The following SAMD4A variants were observed in gnomAD, a reference collection of about 807,000 sequenced individuals.
SAMD4A encodes sterile alpha motif domain containing 4A, also known as protein Smaug homolog 1.
A neutral mutation model predicts 81.3 loss-of-function variants in SAMD4A; 33 were observed. The observed-to-expected ratio is 0.41, with a 90% CI of 0.31 to 0.54. The LOEUF (loss-of-function observed/expected upper bound fraction) is 0.54. SAMD4A is among the 20% of genes least tolerant of loss of function. SAMD4A has a pLI of 0.37. For missense variants in SAMD4A, 854 were observed against 951.1 expected (o/e 0.90, Z 1.34); for synonymous variants, 389 against 382.1 (o/e 1.02, Z -0.21).
At chr14:54,777,680 G>C (rs138789830) in intron 11 of SAMD4A, among the ~76,000 whole-genome samples, 1 of 152,016 alleles carries the variant, frequency 6.6e-6, no homozygotes, top group Non-Finnish European at 1.5e-5. Flanking sequence ...GGGGTGGGGG[G>C]GTAGGCTGGA....
intron 2 of SAMD4A, among the ~76,000 whole-genome samples, chr14:54,669,448 T>TC (rs1358483975): frequency 1.7e-4 from 24 of 144,642 alleles, no homozygotes; most frequent in African/African-American, 5.6e-4. Flanking sequence ...CTTCTTTCTT[T>TC]TTTTTTTTTT....
At chr14:54,621,906 C>T (rs2034627374) in intron 2 of SAMD4A, among the ~76,000 whole-genome samples, 1 of 152,070 alleles carries the variant, frequency 6.6e-6, no homozygotes, top group Admixed American at 6.6e-5. Context: ...TGGGGAGAAA[C>T]AACTCATCTT....
rs2038801289 is a variant in SAMD4A at position 54,774,906 on chromosome 14, T to G, written c.1716-28T>G. ...AAAAGGGCTGAATAACGACTGATAT[T>G]CTCTTCCTTCTCTCTTGGCTCTCAC... On this transcript the variant is annotated intron_variant, in intron 9 of 12. Transcript: ENST00000554335. 3 of 1,612,598 alleles carry G rather than the reference T, an allele frequency of 1.9e-6. No homozygotes were observed. The South Asian group carries it at 3.3e-5, about 18-fold the overall frequency.
At chr14:54,608,089 C>T (rs1289400030) in intron 2 of SAMD4A, among the ~76,000 whole-genome samples, 4 of 151,644 alleles carry the variant, frequency 2.6e-5, no homozygotes, top group Non-Finnish European at 5.9e-5. Context: ...CCACTAGTGT[C>T]GAGAGGACAG....
chr14:54,759,128 A>C (rs982185300), intron 6 of SAMD4A, among the ~76,000 whole-genome samples: 4 of 152,246 alleles, frequency 2.6e-5, no homozygotes, highest in African/African-American at 9.6e-5. Flanking sequence ...ATCCAATTTT[A>C]TTATACAACA....
chr14:54,589,540 C>T lies in SAMD4A; in HGVS notation c.196+21428C>T, dbSNP rs141016950. Among the ~76,000 whole-genome samples, 964 of 152,230 alleles carry T rather than the reference C, an allele frequency of 6.3e-3. 6 individuals carry two copies. The highest frequency in any genetic ancestry group is 0.01 in the Non-Finnish European group (707 of 68,000). ...TTAACATCCACTAGAGCCAGTGATT[C>T]TCTGTGTGGGAAGCACGTATGTCTT... On this transcript the variant is annotated intron_variant, in intron 2 of 12. Transcript: ENST00000554335.
chr14:54,669,436 C>A (rs959566226), intron 2 of SAMD4A, among the ~76,000 whole-genome samples: 1 of 144,182 alleles, frequency 6.9e-6, no homozygotes, highest in African/African-American at 2.6e-5. Flanking sequence ...TTAGAAGCAA[C>A]GCTTCTTTCT....
intron 2 of SAMD4A, among the ~76,000 whole-genome samples, chr14:54,636,599 A>G (rs538504521): frequency 6.6e-6 from 1 of 152,322 alleles, no homozygotes; most frequent in South Asian, 2.1e-4. Flanking sequence ...GGCGGCTCAC[A>G]CTTGGCTGAC....
At chr14:54,611,224 C>T (rs1172522118) in intron 2 of SAMD4A, among the ~76,000 whole-genome samples, 1 of 152,186 alleles carries the variant, frequency 6.6e-6, no homozygotes, top group African/African-American at 2.4e-5. Flanking sequence ...AGCTCTCTCC[C>T]CTTTTAATCC....
chr14:54,702,620 C>G, intron 3 of SAMD4A, 40 bp downstream of exon 3: 1 of 1,598,916 alleles, frequency 6.3e-7, no homozygotes, highest in South Asian at 1.1e-5. Flanking sequence ...TCTGGTTTGG[C>G]GATTTGCTGT....
chr14:54,734,602 T>C (rs574986063), intron 3 of SAMD4A, among the ~76,000 whole-genome samples: 15 of 152,344 alleles, frequency 9.8e-5, no homozygotes, highest in African/African-American at 3.4e-4. Context: ...TCCATTAAGT[T>C]AGGTAAACAT....
chr14:54,685,199 A>G (rs576487172), intron 2 of SAMD4A, among the ~76,000 whole-genome samples: 54 of 152,008 alleles, frequency 3.6e-4, no homozygotes, highest in Admixed American at 1.2e-3. Flanking sequence ...CATCACAGCT[A>G]TCAATTTCTA....
At chr14:54,601,043 T>G (rs1053753468) in intron 2 of SAMD4A, among the ~76,000 whole-genome samples, 32 of 152,222 alleles carry the variant, frequency 2.1e-4, no homozygotes, top group African/African-American at 7.5e-4. Flanking sequence ...CCTTGTTTCT[T>G]AGAGTATTTC....
In SAMD4A at chr14:54,789,047, G is replaced by A; in HGVS notation, c.*103G>A. 1.5e-6 allele frequency: 2 copies of A among 1,343,184 alleles called. No homozygotes were observed. Among genetic ancestry groups the A allele is most frequent in the East Asian group, 2.3e-5 (1 of 43,362 alleles). 83.2% of individuals were successfully genotyped at this position (1,343,184 alleles called of 1,614,324 possible). A position where few individuals can be genotyped will look rare whatever the true frequency, so the allele number is the denominator to read the frequency against. ...ACAGAATCCTCCAAGATACTTTGCA[G>A]CCTTTTTTCCCCCTGGTCCCTCTCC... On this transcript the variant is annotated 3_prime_UTR_variant, in exon 13 of 13. Coordinates refer to ENST00000554335, the MANE Select transcript of SAMD4A (RefSeq NM_015589.6).
chr14:54,602,735 A>G (rs1028411419), intron 2 of SAMD4A, among the ~76,000 whole-genome samples: 1 of 151,982 alleles, frequency 6.6e-6, no homozygotes, highest in African/African-American at 2.4e-5. Context: ...AACACGGCAC[A>G]TGTATACATA....
At chr14:54,626,067 C>CGT (rs749663519) in intron 2 of SAMD4A, among the ~76,000 whole-genome samples, 3 of 108,694 alleles carry the variant, frequency 2.8e-5, no homozygotes, top group Non-Finnish European at 6.0e-5. Flanking sequence ...TGTGCGCGCG[C>CGT]GCGCGCGCGA....
intron 3 of SAMD4A, among the ~76,000 whole-genome samples, chr14:54,718,746 G>A (rs1043168645): frequency 5.3e-5 from 8 of 152,138 alleles, no homozygotes; most frequent in African/African-American, 7.2e-5. Context: ...GCTTACGCCT[G>A]TAATCCCAGC....
intron 9 of SAMD4A, 145 bp from the exon 10 acceptor site, chr14:54,774,788 TG>T: frequency 1.4e-6 from 1 of 729,650 alleles, no homozygotes; most frequent in Non-Finnish European, 2.1e-6. Flanking sequence ...CACTCCAACC[TG>T]GGTAACAGAG....
intron 2 of SAMD4A, among the ~76,000 whole-genome samples, chr14:54,647,682 T>C (rs1271663554): frequency 6.6e-6 from 1 of 152,216 alleles, no homozygotes; most frequent in Admixed American, 6.5e-5. Context: ...ATATACCTTT[T>C]CCTTAAAATT....
Sources: gnomAD v4.1 joint callset for allele counts (sites outside exome capture counted in the v4.1 genomes callset) on GRCh38, gnomAD v4.1.1 for gene constraint, MANE v1.5 for transcripts, NCBI Gene and HGNC (gene_info 2026-07-23, HGNC 2026-07-21) for gene names.